The following IMMP2L variants were observed in gnomAD, a reference collection of about 807,000 sequenced individuals.
IMMP2L encodes inner mitochondrial membrane peptidase subunit 2, also known as mitochondrial inner membrane protease subunit 2.
IMMP2L carries 18 observed loss-of-function variants against 19.3 expected under a neutral mutation model. That is an observed-to-expected ratio of 0.93 (90% CI 0.64 to 1.38). IMMP2L has a LOEUF of 1.38. Among genes scored for constraint, IMMP2L ranks in the 40% most tolerant of loss-of-function variants. The pLI, the probability that IMMP2L is intolerant of heterozygous loss-of-function variation, is 0.00. For missense variants in IMMP2L, 233 were observed against 218.2 expected (o/e 1.07, Z -0.43); for synonymous variants, 76 against 73.0 (o/e 1.04, Z -0.21).
intron 2 of IMMP2L, among the ~76,000 whole-genome samples, chr7:111,504,275 G>C (rs1336494261): frequency 2.6e-5 from 4 of 152,112 alleles, no homozygotes; most frequent in African/African-American, 7.2e-5. Context: ...GGATGTGAAA[G>C]ACCTCTTCAA....
chr7:111,266,882 T>C (rs1422322856), intron 3 of IMMP2L, among the ~76,000 whole-genome samples: 1 of 152,204 alleles, frequency 6.6e-6, no homozygotes, highest in Non-Finnish European at 1.5e-5. Flanking sequence ...AGCTCTCCTA[T>C]TTCTTGAATC....
chr7:110,940,938 T>C (rs766315669), intron 4 of IMMP2L, among the ~76,000 whole-genome samples: 1 of 152,208 alleles, frequency 6.6e-6, no homozygotes, highest in Non-Finnish European at 1.5e-5. Flanking sequence ...GCTGATAGTG[T>C]GCTGCATGAA....
intron 3 of IMMP2L, among the ~76,000 whole-genome samples, chr7:111,144,163 T>C (rs1803230254): frequency 6.6e-6 from 1 of 152,138 alleles, no homozygotes; most frequent in African/African-American, 2.4e-5. Context: ...CTTCTCTATG[T>C]CTCCCCAGTA....
chr7:111,368,265 T>C (rs951703408), intron 3 of IMMP2L, among the ~76,000 whole-genome samples: 1 of 151,902 alleles, frequency 6.6e-6, no homozygotes, highest in African/African-American at 2.4e-5. Context: ...GGGGGAATTT[T>C]CTCTACTATG....
At chr7:110,792,138 TGG>T (rs968985702) in intron 5 of IMMP2L, among the ~76,000 whole-genome samples, 9 of 151,840 alleles carry the variant, frequency 5.9e-5, no homozygotes, top group Non-Finnish European at 2.9e-5. Flanking sequence ...AGGTAGCTGG[TGG>T]CTATTGGGCA....
At chr7:111,369,167 C>T (rs912963002) in intron 3 of IMMP2L, among the ~76,000 whole-genome samples, 2 of 151,872 alleles carry the variant, frequency 1.3e-5, no homozygotes, top group African/African-American at 4.8e-5. Flanking sequence ...TACTTTCAGA[C>T]CATTTCCCTA....
chr7:110,675,472 C>T (rs547925583), intron 5 of IMMP2L, among the ~76,000 whole-genome samples: 111 of 152,224 alleles, frequency 7.3e-4, no homozygotes, highest in African/African-American at 2.6e-3. Flanking sequence ...GCAAGGTTGT[C>T]GCATCAGAAA....
chr7:111,538,184 TACTTAAGTGCTTTGC>T (rs558280829), intron 1 of IMMP2L, among the ~76,000 whole-genome samples: 2 of 152,138 alleles, frequency 1.3e-5, no homozygotes, highest in African/African-American at 4.8e-5. Flanking sequence ...TTCACTACTA[TACTTAAGTGCTTTGC>T]ACTTAAGTGC....
intron 5 of IMMP2L, among the ~76,000 whole-genome samples, chr7:110,759,338 G>A (rs1241016862): frequency 1.3e-5 from 2 of 152,036 alleles, no homozygotes; most frequent in Non-Finnish European, 2.9e-5. Flanking sequence ...CTTCCTCTGA[G>A]TCCTCAGTGA....
intron 5 of IMMP2L, among the ~76,000 whole-genome samples, chr7:110,674,933 T>C (rs1179757954): frequency 1.3e-5 from 2 of 152,184 alleles, no homozygotes; most frequent in Non-Finnish European, 2.9e-5. Flanking sequence ...TAAGACCCAA[T>C]TCAGTCCTGA....
At chr7:110,810,382 G>A (rs1442845085) in intron 5 of IMMP2L, among the ~76,000 whole-genome samples, 4 of 152,014 alleles carry the variant, frequency 2.6e-5, no homozygotes, top group Admixed American at 2.6e-4. Flanking sequence ...GATAGCATGT[G>A]TTGCTAAAGG....
intron 3 of IMMP2L, among the ~76,000 whole-genome samples, chr7:111,054,631 C>T (rs949009764): frequency 1.3e-5 from 2 of 152,194 alleles, no homozygotes; most frequent in Admixed American, 1.3e-4. Flanking sequence ...TCAAGTTGAA[C>T]ACAACGATCA....
chr7:111,107,344 T>C (rs144212458), intron 3 of IMMP2L, among the ~76,000 whole-genome samples: 1 of 152,128 alleles, frequency 6.6e-6, no homozygotes, highest in East Asian at 1.9e-4. Flanking sequence ...AGGTAGAAAA[T>C]TCCTTTCAAC....
intron 3 of IMMP2L, among the ~76,000 whole-genome samples, chr7:111,448,502 G>A (rs1168278278): frequency 7.2e-6 from 1 of 139,670 alleles, no homozygotes; most frequent in Non-Finnish European, 1.5e-5. Context: ...GATGTTCTTT[G>A]AAACCAACGA....
rs146005824 is a variant in IMMP2L, at chr7:110,894,956, T to C, written c.306-8261A>G. ...CTATTCTTTCTCCCTTGACTTACCA[T>C]TGGCAACTTTGTTAAAATTAATTTA... is the stretch of plus-strand genomic sequence containing the variant. On this transcript the variant is annotated intron_variant, in intron 4 of 5. Coordinates refer to ENST00000405709, the MANE Select transcript of IMMP2L (RefSeq NM_032549.4). Among the ~76,000 whole-genome samples the C allele has an allele frequency of 4.9e-3, 747 of 152,320 alleles. 28 individuals are homozygous for C. Among genetic ancestry groups the C allele is most frequent in the Admixed American group, 0.044 (677 of 15,288 alleles).
chr7:111,341,492 T>G (rs187718434), intron 3 of IMMP2L, among the ~76,000 whole-genome samples: 1 of 152,158 alleles, frequency 6.6e-6, no homozygotes, highest in Non-Finnish European at 1.5e-5. Context: ...CAATCCAGTC[T>G]TAACACACCT....
chr7:111,243,105 C>A (rs941877183), intron 3 of IMMP2L, among the ~76,000 whole-genome samples: 4 of 151,988 alleles, frequency 2.6e-5, no homozygotes, highest in African/African-American at 9.7e-5. Context: ...TATTTTTATG[C>A]CAACTAAAGA....
intron 5 of IMMP2L, among the ~76,000 whole-genome samples, chr7:110,674,170 C>T (rs1022844461): frequency 6.6e-6 from 1 of 152,124 alleles, no homozygotes; most frequent in African/African-American, 2.4e-5. Context: ...ATGTCCTTCT[C>T]CACATGGCAG....
chr7:111,156,013 T>C (rs1490273974), intron 3 of IMMP2L, among the ~76,000 whole-genome samples: 1 of 152,176 alleles, frequency 6.6e-6, no homozygotes, highest in East Asian at 1.9e-4. Flanking sequence ...CCTGTGAGAT[T>C]TATCCATGTT....
Sources: gnomAD v4.1 joint callset for allele counts (sites outside exome capture counted in the v4.1 genomes callset) on GRCh38, gnomAD v4.1.1 for gene constraint, MANE v1.5 for transcripts, NCBI Gene and HGNC (gene_info 2026-07-23, HGNC 2026-07-21) for gene names.